The following AGBL1 variants were observed in gnomAD, a reference collection of about 807,000 sequenced individuals.
AGBL1 encodes the protein AGBL carboxypeptidase 1, also known as cytosolic carboxypeptidase 4.
A neutral mutation model predicts 118.9 loss-of-function variants in AGBL1; 130 were observed. That is an observed-to-expected ratio of 1.09 (90% CI 0.95 to 1.26). The LOEUF (loss-of-function observed/expected upper bound fraction) is 1.26, where lower values mean the gene tolerates loss of function less well. AGBL1 is among the 50% of genes most tolerant of loss of function. The pLI is 0.00. For synonymous variants in AGBL1, 555 were observed against 478.9 expected, an observed-to-expected ratio of 1.16 and a Z score of -2.08; for missense variants, 1,584 against 1,298.1, an observed-to-expected ratio of 1.22 and a Z score of -3.38.
chr15:86,667,656 G>A (rs1023947997), intron 21 of AGBL1, among the ~76,000 whole-genome samples: 6 of 151,886 alleles, frequency 4.0e-5, no homozygotes, highest in East Asian at 3.9e-4. Flanking sequence ...TTTTTGGACC[G>A]TAGGTGAGTA....
At chr15:86,404,605 T>G (rs995044523) in intron 18 of AGBL1, among the ~76,000 whole-genome samples, 2 of 152,212 alleles carry the variant, frequency 1.3e-5, no homozygotes, top group African/African-American at 4.8e-5. Context: ...GACTGATTAG[T>G]AAGTATGTCA....
intron 5 of AGBL1, among the ~76,000 whole-genome samples, chr15:86,195,008 A>G (rs1256887369): frequency 6.6e-6 from 1 of 152,192 alleles, no homozygotes; most frequent in East Asian, 1.9e-4. Context: ...TATAGTCACT[A>G]AGCATGAGTG....
intron 17 of AGBL1, among the ~76,000 whole-genome samples, chr15:86,308,984 GA>G (rs1278340177): frequency 2.0e-5 from 3 of 152,130 alleles, no homozygotes; most frequent in Non-Finnish European, 2.9e-5. Context: ...TTTTGATAGA[GA>G]TTGAATTGGG....
At chr15:87,005,116 C>T (rs1278250466) in intron 24 of AGBL1, among the ~76,000 whole-genome samples, 1 of 152,176 alleles carries the variant, frequency 6.6e-6, no homozygotes, top group Admixed American at 6.5e-5. Context: ...TCTGGCTGCC[C>T]TTAACATTTT....
chr15:86,187,045 A>T (rs1193311586), intron 5 of AGBL1, among the ~76,000 whole-genome samples: 2 of 152,250 alleles, frequency 1.3e-5, no homozygotes, highest in Admixed American at 1.3e-4. Context: ...AAACAAAGTT[A>T]AAGCATTTGT....
chr15:86,574,768 G>T (rs1467394717), intron 21 of AGBL1, among the ~76,000 whole-genome samples: 2 of 151,414 alleles, frequency 1.3e-5, no homozygotes, highest in East Asian at 4.0e-4. Flanking sequence ...AGTAGAGACG[G>T]GGTTTCACCA....
At chr15:86,651,521 C>G (rs530498733) in intron 21 of AGBL1, among the ~76,000 whole-genome samples, 1 of 152,260 alleles carries the variant, frequency 6.6e-6, no homozygotes, top group African/African-American at 2.4e-5. Flanking sequence ...TACTTATTGG[C>G]TAAGTGATTT....
At chr15:86,291,834 G>A (rs1293649781) in intron 16 of AGBL1, among the ~76,000 whole-genome samples, 11 of 152,240 alleles carry the variant, frequency 7.2e-5, no homozygotes, top group East Asian at 1.9e-4. Flanking sequence ...CTCCAATGCA[G>A]GTGCATCTCA....
chr15:86,451,019 CT>C (rs547793213), intron 18 of AGBL1, among the ~76,000 whole-genome samples: 45 of 152,212 alleles, frequency 3.0e-4, no homozygotes, highest in African/African-American at 8.9e-4. Flanking sequence ...GATATCCATT[CT>C]TTCTTTGAGA....
At chr15:86,140,051 G>C (rs955539222) in intron 1 of AGBL1, 1 of 188,638 alleles carries the variant, frequency 5.3e-6, no homozygotes, top group Non-Finnish European at 1.1e-5. Context: ...CTGGGTGACA[G>C]CGCCCCTGGT....
chr15:86,097,160 A>G (rs1192587852), intron 1 of AGBL1, among the ~76,000 whole-genome samples: 6 of 152,034 alleles, frequency 3.9e-5, no homozygotes, highest in African/African-American at 1.2e-4. Flanking sequence ...GCTATTCCTG[A>G]TTCTTTTTGA....
intron 21 of AGBL1, among the ~76,000 whole-genome samples, chr15:86,650,473 AT>A (rs1204184264): frequency 6.6e-6 from 1 of 152,174 alleles, no homozygotes; most frequent in African/African-American, 2.4e-5. Flanking sequence ...AGCTACTGTT[AT>A]TGTGGTTTTT....
At chr15:86,475,469 T>C (rs1669167608) in intron 18 of AGBL1, among the ~76,000 whole-genome samples, 1 of 152,112 alleles carries the variant, frequency 6.6e-6, no homozygotes, top group South Asian at 2.1e-4. Context: ...GAAGAAAGGG[T>C]ATCAGTGATT....
intron 23 of AGBL1, among the ~76,000 whole-genome samples, chr15:86,979,141 C>T (rs1288016495): frequency 6.6e-6 from 1 of 152,140 alleles, no homozygotes; most frequent in Non-Finnish European, 1.5e-5. Flanking sequence ...TATTTCTACA[C>T]ATTTTGGTCA....
intron 17 of AGBL1, among the ~76,000 whole-genome samples, chr15:86,352,768 G>A (rs1452948305): frequency 1.3e-5 from 2 of 152,102 alleles, no homozygotes; most frequent in Non-Finnish European, 2.9e-5. Context: ...TTACAGGCTT[G>A]AGCCACCATG....
intron 22 of AGBL1, among the ~76,000 whole-genome samples, chr15:86,866,544 A>T (rs2079632836): frequency 6.6e-6 from 1 of 152,332 alleles, no homozygotes; most frequent in Middle Eastern, 3.4e-3. Flanking sequence ...GATGCTGGCA[A>T]ATCAACAATA....
chr15:86,405,019 C>T lies in AGBL1; in HGVS notation c.2555+7473C>T, dbSNP rs973341057. On this transcript the variant is annotated intron_variant, in intron 18 of 22. Transcript: ENST00000614907. ...TACTCAGGTCTAACCAGGGGGTCCC[C>T]GTAGGTCATAGAGGAATGATGGCCT... Among the ~76,000 whole-genome samples, 8 of 152,236 alleles carry T rather than the reference C, an allele frequency of 5.3e-5. No homozygotes were observed. In the South Asian group the frequency reaches 8.3e-4, roughly 16 times the overall value.
intron 22 of AGBL1, among the ~76,000 whole-genome samples, chr15:86,869,918 C>G (rs1201510284): frequency 6.6e-6 from 1 of 152,076 alleles, no homozygotes; most frequent in East Asian, 1.9e-4. Flanking sequence ...CTTGACAGTA[C>G]CTGGTTGCTT....
At chr15:86,363,892 C>T (rs1657896280) in intron 17 of AGBL1, among the ~76,000 whole-genome samples, 1 of 152,124 alleles carries the variant, frequency 6.6e-6, no homozygotes, top group Non-Finnish European at 1.5e-5. Context: ...TCACCATTAT[C>T]CACACTATTC....
Sources: allele counts gnomAD v4.1 joint callset (sites outside exome capture counted in the v4.1 genomes callset), GRCh38; gene constraint gnomAD v4.1.1; transcripts MANE v1.5; gene names NCBI Gene and HGNC (gene_info 2026-07-23, HGNC 2026-07-21).